The following APH1B variants were observed in gnomAD, a reference collection of about 807,000 sequenced individuals.
The protein encoded by APH1B is gamma-secretase subunit APH-1B.
In APH1B, 27 loss-of-function variants were observed where a neutral mutation model predicts 28.2. That is an observed-to-expected ratio of 0.96 (90% CI 0.70 to 1.32). APH1B has a LOEUF of 1.32. Ranked by LOEUF, APH1B falls within the 40% of genes most tolerant of loss-of-function variation. The pLI, the probability that APH1B is intolerant of heterozygous loss-of-function variation, is 0.00. For synonymous variants in APH1B, 141 were observed against 124.6 expected, an observed-to-expected ratio of 1.13 and a Z score of -0.88; for missense variants, 305 against 313.6, an observed-to-expected ratio of 0.97 and a Z score of 0.21.
At chr15:63,285,912 A>G (rs1376135815) in intron 2 of APH1B, among the ~76,000 whole-genome samples, 1 of 152,258 alleles carries the variant, frequency 6.6e-6, no homozygotes, top group Non-Finnish European at 1.5e-5. Flanking sequence ...ACAAATATGT[A>G]AAACGTTTTA....
chr15:63,278,145 A>C (rs1239178026), intron 1 of APH1B: 3 of 370,344 alleles, frequency 8.1e-6, no homozygotes, highest in Non-Finnish European at 1.1e-5. Flanking sequence ...TCCGCCTATT[A>C]GAATCACCTG....
chr15:63,290,891 T>TAGAG (rs2038498284), intron 4 of APH1B, among the ~76,000 whole-genome samples: 1 of 151,228 alleles, frequency 6.6e-6, no homozygotes, highest in Non-Finnish European at 1.5e-5. Flanking sequence ...CCATAACGAG[T>TAGAG]AGAGATTTAC....
In APH1B at chr15:63,305,699, C is replaced by T. The variant is rs191428381; in HGVS notation, c.692C>T (p.Ala231Val). 61 of 1,614,176 alleles carry T rather than the reference C, an allele frequency of 3.8e-5. 1 individual carries two copies. In the East Asian group the frequency reaches 6.2e-4, roughly 17 times the overall value. The change falls in exon 6 of 6, where the codon GCG (alanine) becomes GTG (valine). Residue 231 changes from alanine (A) to valine (V), a missense_variant. Coordinates refer to ENST00000261879, the MANE Select transcript of APH1B (RefSeq NM_031301.4). The stretch of plus-strand genomic sequence containing the variant: ...ATGGGCACCTGGGCATTCTTAGCTG[C>T]GGGAGGCAGCTGCCGAAGCCTGAAA... Reference protein sequence around the residue: ...VLMGTWAFLAAGGSCRSLKLC... With the variant: ...VLMGTWAFLAVGGSCRSLKLC...
chr15:63,283,140 C>A (rs1451001708), intron 2 of APH1B, among the ~76,000 whole-genome samples: 1 of 152,098 alleles, frequency 6.6e-6, no homozygotes, highest in African/African-American at 2.4e-5. Flanking sequence ...ACTTCCATAA[C>A]GTAGAATTAG....
chr15:63,297,718 G>A (rs1048088913), intron 4 of APH1B, among the ~76,000 whole-genome samples: 4 of 152,144 alleles, frequency 2.6e-5, no homozygotes, highest in African/African-American at 9.7e-5. Context: ...AATGAGAAGG[G>A]TTTAAATAGG....
rs954400676 is a variant in APH1B, at chr15:63,287,415, C to G, written c.356-9C>G. On this transcript the variant is annotated splice_polypyrimidine_tract_variant and intron_variant, in intron 3 of 5. Transcript: ENST00000261879. ...GAAAAGAGTTAACAGTGTTTTTCTTCCTGTTTAGTTTCTGGCTTGGGCTTT... is the reference window on the plus strand; with the variant it reads ...GAAAAGAGTTAACAGTGTTTTTCTTGCTGTTTAGTTTCTGGCTTGGGCTTT... 1 of 1,612,258 alleles carries G rather than the reference C, an allele frequency of 6.2e-7. No homozygotes were observed. Among genetic ancestry groups the G allele is most frequent in the African/African-American group, 1.3e-5 (1 of 74,784 alleles).
At chr15:63,278,419 C>A in intron 1 of APH1B, 1 of 452,094 alleles carries the variant, frequency 2.2e-6, no homozygotes, top group South Asian at 1.6e-5. Context: ...CATACCACAT[C>A]CCCCCTCCTC....
chr15:63,287,647 TA>T, intron 4 of APH1B, 101 bp downstream of exon 4: 1 of 1,452,054 alleles, frequency 6.9e-7, no homozygotes, highest in Non-Finnish European at 9.3e-7. Context: ...GAATTTATGT[TA>T]TGTCTTTTAA....
rs938696153 is a variant in APH1B at position 63,287,636 on chromosome 15, G to C, written c.478+90G>C. 14 of 1,474,916 alleles carry C rather than the reference G, an allele frequency of 9.5e-6. No homozygotes were observed. In the African/African-American group the frequency reaches 2.0e-4, roughly 21 times the overall value. 91.4% of individuals were successfully genotyped at this position (1,474,916 alleles called of 1,614,324 possible). On this transcript the variant is annotated intron_variant, in intron 4 of 5. Transcript: ENST00000261879. The stretch of plus-strand genomic sequence containing the variant: ...ACTGGCTTAGGAATTTCAGTGGATT[G>C]GAATTTATGTTATGTCTTTTAAAGG...
chr15:63,287,044 A>C (rs763943837), intron 3 of APH1B: 30 of 232,830 alleles, frequency 1.3e-4, no homozygotes, highest in Admixed American at 3.7e-4. Context: ...TGGGCTCAGG[A>C]ATACACAGTT....
In APH1B at chr15:63,283,397, C is replaced by G. The variant is rs965037701; in HGVS notation, c.285-3161C>G. Among the ~76,000 whole-genome samples, 6 of 151,766 alleles carry G rather than the reference C, an allele frequency of 4.0e-5. No individual in the cohort carries two copies. In the East Asian group the frequency reaches 9.7e-4, roughly 25 times the overall value. ...AGTGCGTGCCACCACACCCAGCTAA[C>G]TTGTATTTTTTTGGTAGAGACATAG... On this transcript the variant is annotated intron_variant, in intron 2 of 5. Transcript: ENST00000261879.
chr15:63,287,476 C>T lies in APH1B; in HGVS notation c.408C>T (p.Thr136=), dbSNP rs201811753. Residue 136 remains threonine (T), a synonymous_variant, in exon 4 of 6, where the codon ACC becomes ACT. Coordinates refer to ENST00000261879, the MANE Select transcript of APH1B (RefSeq NM_031301.4). ...IMSGVFSFVN[T]LSDSLGPGTV... is the part of the protein sequence containing the mutation. ...GTGGAGTATTTTCCTTTGTGAATAC[C>T]CTATCTGACTCCTTGGGGCCAGGCA... is the stretch of plus-strand genomic sequence containing the variant. The T allele has an allele frequency of 3.5e-5, 57 of 1,613,814 alleles. No homozygotes were observed. Among genetic ancestry groups the T allele is most frequent in the Non-Finnish European group, 4.6e-5 (54 of 1,179,866 alleles).
Position 63,307,831 on chromosome 15 carries a change from A to T in APH1B, c.*2050A>T, listed in dbSNP as rs946151230. 2.0e-5 allele frequency: 3 copies of T among 152,196 alleles called. No individual in the cohort carries two copies. The highest frequency in any genetic ancestry group is 7.2e-5 in the African/African-American group (3 of 41,430). The allele number at this position is 152,196 out of a possible 1,614,324, so 9.4% of individuals were successfully genotyped here. On this transcript the variant is annotated 3_prime_UTR_variant, in exon 6 of 6. Transcript: ENST00000261879. ...TAACTAAAAAAGCTGGGTATTGTAA[A>T]ATCTCATTTATAAAAACTCAGATGA... is the stretch of plus-strand genomic sequence containing the variant.
At chr15:63,283,704 T>C (rs919005983) in intron 2 of APH1B, among the ~76,000 whole-genome samples, 3 of 152,228 alleles carry the variant, frequency 2.0e-5, no homozygotes, top group African/African-American at 7.2e-5. Context: ...GTGAGGTTCA[T>C]CTGTTTACTT....
At chr15:63,303,551 G>A (rs186035507) in intron 5 of APH1B, among the ~76,000 whole-genome samples, 17 of 152,270 alleles carry the variant, frequency 1.1e-4, no homozygotes, top group African/African-American at 3.9e-4. Context: ...GCTGGAGTGC[G>A]GTGGCACGAT....
At chr15:63,282,681 G>A (rs2152592912) in intron 2 of APH1B, among the ~76,000 whole-genome samples, 2 of 152,116 alleles carry the variant, frequency 1.3e-5, no homozygotes, top group South Asian at 4.2e-4. Context: ...TTTTCTGTTT[G>A]GATGGAAACT....
intron 4 of APH1B, among the ~76,000 whole-genome samples, chr15:63,296,388 C>A (rs1434069252): frequency 1.3e-5 from 2 of 152,238 alleles, no homozygotes; most frequent in African/African-American, 4.8e-5. Flanking sequence ...CTGCCACCAC[C>A]CAGCAGCAGC....
chr15:63,300,040 T>A (rs1331494504), intron 4 of APH1B, among the ~76,000 whole-genome samples: 3 of 152,054 alleles, frequency 2.0e-5, no homozygotes, highest in African/African-American at 7.2e-5. Flanking sequence ...TGGCAGGGAT[T>A]TTCTTTCAGG....
rs114593623 is a variant in APH1B at position 63,293,038 on chromosome 15, C to T, written c.478+5492C>T. Among the ~76,000 whole-genome samples the T allele has an allele frequency of 2.6e-3, 403 of 152,316 alleles. 5 individuals are homozygous for T. The highest frequency in any genetic ancestry group is 8.9e-3 in the African/African-American group (371 of 41,572). On this transcript the variant is annotated intron_variant, in intron 4 of 5. Coordinates refer to ENST00000261879, the MANE Select transcript of APH1B (RefSeq NM_031301.4). ...CTAGGCTCTGCTGACTACCTTTCGG[C>T]GCAGTTGAATGACTTGCACTTCTCC...
Sources: allele counts gnomAD v4.1 joint callset (sites outside exome capture counted in the v4.1 genomes callset), GRCh38; gene constraint gnomAD v4.1.1; transcripts MANE v1.5; gene names NCBI Gene and HGNC (gene_info 2026-07-23, HGNC 2026-07-21).